The following TENM2 variants were observed in gnomAD, a reference collection of about 807,000 sequenced individuals.
TENM2 encodes the protein teneurin-2.
Under a neutral mutation model 245.2 loss-of-function variants are expected in TENM2, and 52 were observed. The observed-to-expected ratio is 0.21, with a 90% CI of 0.17 to 0.27. TENM2 has a LOEUF of 0.27. Among genes scored for constraint, TENM2 ranks in the 10% least tolerant of loss-of-function variants. The pLI is 1.00. For synonymous variants in TENM2, 1,363 were observed against 1,438.9 expected, an observed-to-expected ratio of 0.95 and a Z score of 1.19; for missense variants, 3,046 against 3,666.8, an observed-to-expected ratio of 0.83 and a Z score of 4.37.
intron 2 of TENM2, among the ~76,000 whole-genome samples, chr5:167,740,099 G>A (rs939611956): frequency 2.7e-4 from 41 of 152,142 alleles, no homozygotes; most frequent in Admixed American, 1.6e-3. Flanking sequence ...TCAAAAAGCA[G>A]GGTTGTAGCT....
At chr5:167,478,175 C>T (rs2127524364) in intron 2 of TENM2, among the ~76,000 whole-genome samples, 1 of 152,324 alleles carries the variant, frequency 6.6e-6, no homozygotes, top group Middle Eastern at 3.4e-3. Context: ...ATGGCCATTT[C>T]TTTAAAAATA....
intron 1 of TENM2, chr5:167,308,085 CAA>C (rs1755788842): frequency 6.6e-6 from 1 of 152,446 alleles, no homozygotes; most frequent in Non-Finnish European, 1.5e-5. Context: ...CAGAGTAAGT[CAA>C]AGTCCTGGCC....
rs375827706 is a variant in TENM2 at position 167,608,790 on chromosome 5, C to T, written c.502+233317C>T. 1.1e-4 allele frequency among the ~76,000 whole-genome samples: 17 copies of T among 152,212 alleles called. No homozygotes were observed. In the South Asian group the frequency reaches 3.5e-3, roughly 32 times the overall value. On this transcript the variant is annotated intron_variant, in intron 2 of 28. Transcript: ENST00000518659. ...GGTTGTCCAGTGTTTCCTGAAAATG[C>T]TTTTGTGCTTTGATAGAGAGAGGTA...
chr5:167,635,896 G>C (rs759391440), intron 2 of TENM2, among the ~76,000 whole-genome samples: 37 of 151,860 alleles, frequency 2.4e-4, no homozygotes, highest in Admixed American at 1.0e-3. Context: ...CACCCGCCTC[G>C]GCCTCCCAAA....
intron 3 of TENM2, among the ~76,000 whole-genome samples, chr5:167,945,663 G>A (rs7724997): frequency 0.2 from 30,299 of 152,118 alleles, 3,338 homozygotes; most frequent in East Asian, 0.36. Flanking sequence ...CCGCTATGCA[G>A]TGTTGATCTG....
chr5:168,175,442 T>C (rs538604866), intron 13 of TENM2, among the ~76,000 whole-genome samples: 1 of 152,358 alleles, frequency 6.6e-6, no homozygotes, highest in South Asian at 2.1e-4. Flanking sequence ...TCAGAGGTCA[T>C]GAACCGGTGA....
At chr5:167,554,981 G>T (rs866996897) in intron 2 of TENM2, among the ~76,000 whole-genome samples, 5 of 151,702 alleles carry the variant, frequency 3.3e-5, no homozygotes, top group Admixed American at 6.6e-5. Context: ...TTTTTCAATA[G>T]TCAGGATTAA....
At chr5:167,424,923 C>A (rs550809624) in intron 2 of TENM2, among the ~76,000 whole-genome samples, 1 of 152,242 alleles carries the variant, frequency 6.6e-6, no homozygotes, top group African/African-American at 2.4e-5. Flanking sequence ...CAGCAAAAAT[C>A]ATGCATCCAT....
At chr5:167,688,948 T>A (rs1240847006) in intron 2 of TENM2, among the ~76,000 whole-genome samples, 1 of 152,226 alleles carries the variant, frequency 6.6e-6, no homozygotes, top group Non-Finnish European at 1.5e-5. Context: ...AGAACATTTT[T>A]TTTTCTTTTC....
the TENM2 span, among the ~76,000 whole-genome samples, chr5:167,242,422 C>G: frequency 6.7e-6 from 1 of 150,200 alleles, no homozygotes; most frequent in African/African-American, 2.5e-5. Context: ...ACTGATTAAC[C>G]TTTGATGATG....
intron 2 of TENM2, among the ~76,000 whole-genome samples, chr5:167,777,297 G>A (rs1204308082): frequency 1.3e-5 from 2 of 152,170 alleles, no homozygotes; most frequent in African/African-American, 4.8e-5. Context: ...TCTGGAAGGG[G>A]AAATTATGAT....
Position 167,715,764 on chromosome 5 carries a change from C to A in TENM2, c.503-160222C>A, listed in dbSNP as rs1216201854. Among the ~76,000 whole-genome samples, 10 of 152,204 alleles carry A rather than the reference C, an allele frequency of 6.6e-5. No individual in the cohort carries two copies. The East Asian group carries it at 1.9e-3, about 29-fold the overall frequency. ...AGCAGAGTGGTGGGTTCAAAACTTGCCTCTTTGGATTCTCATTTTATATAG... is the reference window on the plus strand; with the variant it reads ...AGCAGAGTGGTGGGTTCAAAACTTGACTCTTTGGATTCTCATTTTATATAG... On this transcript the variant is annotated intron_variant, in intron 2 of 28. Coordinates refer to ENST00000518659, the Ensembl canonical transcript of TENM2.
chr5:167,844,145 GA>G (rs543257533), intron 2 of TENM2, among the ~76,000 whole-genome samples: 5 of 151,868 alleles, frequency 3.3e-5, no homozygotes, highest in Admixed American at 6.6e-5. Flanking sequence ...GAACCAGTGG[GA>G]AAAAAAAGTA....
intron 2 of TENM2, among the ~76,000 whole-genome samples, chr5:167,772,395 A>T (rs1011578131): frequency 6.6e-6 from 1 of 152,202 alleles, no homozygotes; most frequent in Non-Finnish European, 1.5e-5. Context: ...TCTCTGACCA[A>T]TGTATCACTG....
intron 1 of TENM2, among the ~76,000 whole-genome samples, chr5:167,336,961 CAA>C (rs1417786677): frequency 6.7e-6 from 1 of 148,454 alleles, no homozygotes; most frequent in African/African-American, 2.5e-5. Flanking sequence ...ACTAAAAATA[CAA>C]AAAATTAGCC....
chr5:167,306,782 CCT>C (rs921737002), intron 1 of TENM2, among the ~76,000 whole-genome samples: 3 of 152,118 alleles, frequency 2.0e-5, no homozygotes, highest in Admixed American at 2.0e-4. Flanking sequence ...ACCATAATAC[CCT>C]CTTTCTCTAA....
the TENM2 span, among the ~76,000 whole-genome samples, chr5:167,061,781 CA>C: frequency 6.6e-6 from 1 of 151,522 alleles, no homozygotes; most frequent in African/African-American, 2.4e-5. Context: ...ACTTTTGCAC[CA>C]AAAACAGTAA....
upstream of TENM2, among the ~76,000 whole-genome samples, chr5:167,282,925 CT>C (rs1412251155): frequency 2.0e-5 from 3 of 152,174 alleles, no homozygotes; most frequent in Non-Finnish European, 4.4e-5. Context: ...CTCAAAGGCA[CT>C]TCTGAACTTG....
At chr5:168,152,648 A>C (rs1331631178) in intron 12 of TENM2, among the ~76,000 whole-genome samples, 1 of 152,216 alleles carries the variant, frequency 6.6e-6, no homozygotes, top group Non-Finnish European at 1.5e-5. Context: ...TAAGCTGCAC[A>C]AGGTACAACA....
Sources: allele counts gnomAD v4.1 joint callset (sites outside exome capture counted in the v4.1 genomes callset), GRCh38; gene constraint gnomAD v4.1.1; transcripts MANE v1.5; gene names NCBI Gene and HGNC (gene_info 2026-07-23, HGNC 2026-07-21).